The following TNKS variants were observed in gnomAD, a reference collection of about 807,000 sequenced individuals.
TNKS encodes poly [ADP-ribose] polymerase tankyrase-1.
TNKS carries 72 observed loss-of-function variants against 135.8 expected under a neutral mutation model. The observed-to-expected ratio is 0.53, with a 90% CI of 0.44 to 0.64. The LOEUF (loss-of-function observed/expected upper bound fraction) is 0.64. TNKS is among the 30% of genes least tolerant of loss of function. The pLI is 0.00. For missense variants in TNKS, 1,769 were observed against 1,674.0 expected, an observed-to-expected ratio of 1.06 and a Z score of -0.99; for synonymous variants, 849 against 649.3, an observed-to-expected ratio of 1.31 and a Z score of -4.68.
intron 1 of TNKS, among the ~76,000 whole-genome samples, chr8:9,569,263 G>A (rs1241633563): frequency 6.6e-6 from 1 of 152,118 alleles, no homozygotes; most frequent in African/African-American, 2.4e-5. Flanking sequence ...TCTTAGTGTG[G>A]ACATAGCTCC....
chr8:9,571,969 G>A (rs1012679494), intron 1 of TNKS, among the ~76,000 whole-genome samples: 1 of 152,066 alleles, frequency 6.6e-6, no homozygotes, highest in African/African-American at 2.4e-5. Context: ...ATTAGGGAAG[G>A]TCTCTATCCC....
intron 3 of TNKS, chr8:9,679,629 G>T (rs972607877): frequency 3.8e-6 from 1 of 264,880 alleles, no homozygotes; most frequent in Non-Finnish European, 7.3e-6. Context: ...AGAGAAAAGG[G>T]GGGAGGGGAC....
intron 18 of TNKS, among the ~76,000 whole-genome samples, chr8:9,750,930 C>T (rs1353515419): frequency 6.6e-6 from 1 of 152,218 alleles, no homozygotes; most frequent in Non-Finnish European, 1.5e-5. Context: ...TTCTGTACAA[C>T]ATGGCAGATG....
rs200447715 is a variant in TNKS at position 9,706,171 on chromosome 8, G to T, written c.1203-16G>T. 22 of 1,552,608 alleles carry T rather than the reference G, an allele frequency of 1.4e-5. No homozygotes were observed. Among genetic ancestry groups the T allele is most frequent in the Non-Finnish European group, 1.6e-5 (19 of 1,155,268 alleles). ...GTTTGAAATTTAAGTATTTTAATTT[G>T]CCTCTTTTCATTTAGTGGACTTGTG... On this transcript the variant is annotated splice_polypyrimidine_tract_variant and intron_variant, in intron 6 of 26. Coordinates refer to ENST00000310430, the MANE Select transcript of TNKS (RefSeq NM_003747.3).
chr8:9,556,781 G>T, intron 1 of TNKS, 169 bp downstream of exon 1: 2 of 641,586 alleles, frequency 3.1e-6, no homozygotes, highest in Non-Finnish European at 5.1e-6. Context: ...CCTGGGTGAT[G>T]GGGGCGTGGT....
chr8:9,772,452 T>C (rs750630899), intron 26 of TNKS: 8 of 453,632 alleles, frequency 1.8e-5, no homozygotes, highest in Middle Eastern at 3.3e-4. Flanking sequence ...AGGAATGTTT[T>C]ACTTTTTTTA....
chr8:9,636,141 A>G (rs537096145), intron 3 of TNKS, among the ~76,000 whole-genome samples: 8 of 152,360 alleles, frequency 5.3e-5, no homozygotes, highest in African/African-American at 1.9e-4. Flanking sequence ...GTTGTTACAT[A>G]TACCTATGTG....
At chr8:9,615,065 T>G (rs957726919) in intron 2 of TNKS, among the ~76,000 whole-genome samples, 5 of 152,212 alleles carry the variant, frequency 3.3e-5, no homozygotes, top group African/African-American at 1.2e-4. Context: ...TTACTATGTC[T>G]GTTAAACTTC....
chr8:9,700,363 T>C (rs1209551185), intron 5 of TNKS, among the ~76,000 whole-genome samples: 1 of 152,216 alleles, frequency 6.6e-6, no homozygotes, highest in Admixed American at 6.5e-5. Flanking sequence ...TTCGCTTTCC[T>C]TGTTTTCATT....
intron 1 of TNKS, among the ~76,000 whole-genome samples, chr8:9,572,871 CT>C (rs1297135393): frequency 2.0e-5 from 3 of 151,872 alleles, no homozygotes; most frequent in Non-Finnish European, 4.4e-5. Context: ...CGGGAAAAAC[CT>C]TTTTTTTAAA....
chr8:9,684,993 A>G (rs1802929454), intron 5 of TNKS, among the ~76,000 whole-genome samples: 3 of 152,148 alleles, frequency 2.0e-5, no homozygotes, highest in African/African-American at 7.2e-5. Context: ...AGTATTTAGT[A>G]TACCCTTCTG....
chr8:9,565,848 C>G lies in TNKS; in HGVS notation c.673+9236C>G, dbSNP rs111967943. Reference sequence around the variant, plus strand: ...CTCCAGCCTGGGTGACAGAGCAAGACTCCGTCTCAAAAAAAATAAAAATAA... The same window carrying G: ...CTCCAGCCTGGGTGACAGAGCAAGAGTCCGTCTCAAAAAAAATAAAAATAA... On this transcript the variant is annotated intron_variant, in intron 1 of 26. Coordinates refer to ENST00000310430, the MANE Select transcript of TNKS (RefSeq NM_003747.3). Among the ~76,000 whole-genome samples, 954 of 152,182 alleles carry G rather than the reference C, an allele frequency of 6.3e-3. 12 individuals carry two copies. Among genetic ancestry groups the G allele is most frequent in the African/African-American group, 0.021 (873 of 41,524 alleles).
chr8:9,699,559 G>A (rs908045815), intron 5 of TNKS, among the ~76,000 whole-genome samples: 16 of 151,986 alleles, frequency 1.1e-4, no homozygotes, highest in African/African-American at 1.7e-4. Flanking sequence ...TTCTAGTGAT[G>A]CTATATAAGT....
chr8:9,603,866 A>T (rs1799115023), intron 2 of TNKS, among the ~76,000 whole-genome samples: 1 of 152,058 alleles, frequency 6.6e-6, no homozygotes, highest in African/African-American at 2.4e-5. Context: ...TCTCAAATTT[A>T]ATCTGGTATA....
chr8:9,666,996 G>C (rs1400906110), intron 3 of TNKS, among the ~76,000 whole-genome samples: 1 of 152,140 alleles, frequency 6.6e-6, no homozygotes, highest in East Asian at 1.9e-4. Flanking sequence ...TTAAAAACTT[G>C]GCTATCTGGA....
At chr8:9,578,604 A>G (rs572069828) in intron 1 of TNKS, among the ~76,000 whole-genome samples, 27 of 152,350 alleles carry the variant, frequency 1.8e-4, no homozygotes, top group South Asian at 8.3e-4. Flanking sequence ...ATGAATTTCT[A>G]TAGATAGCAT....
intron 17 of TNKS, among the ~76,000 whole-genome samples, chr8:9,742,495 C>G (rs1806019086): frequency 6.6e-6 from 1 of 151,584 alleles, no homozygotes; most frequent in Non-Finnish European, 1.5e-5. Flanking sequence ...ACTTGTAAAA[C>G]CTATAATCTA....
chr8:9,639,440 A>G (rs1024869378), intron 3 of TNKS, among the ~76,000 whole-genome samples: 8 of 152,076 alleles, frequency 5.3e-5, no homozygotes, highest in African/African-American at 1.7e-4. Context: ...TTTTATTGAA[A>G]TGAAAAAATA....
At chr8:9,650,451 C>T (rs1801103756) in intron 3 of TNKS, among the ~76,000 whole-genome samples, 2 of 152,100 alleles carry the variant, frequency 1.3e-5, no homozygotes, top group South Asian at 2.1e-4. Flanking sequence ...TAAAATTGTT[C>T]CCTTTTCACC....
Sources: allele counts gnomAD v4.1 joint callset (sites outside exome capture counted in the v4.1 genomes callset), GRCh38; gene constraint gnomAD v4.1.1; transcripts MANE v1.5; gene names NCBI Gene and HGNC (gene_info 2026-07-23, HGNC 2026-07-21).